The following CATSPERE variants were observed in gnomAD, a reference collection of about 807,000 sequenced individuals.
CATSPERE encodes the protein catsper channel auxiliary subunit epsilon, also known as cation channel sperm-associated auxiliary subunit epsilon.
A neutral mutation model predicts 114.1 loss-of-function variants in CATSPERE; 93 were observed. The observed-to-expected ratio is 0.81, with a 90% CI of 0.69 to 0.97. CATSPERE has a LOEUF of 0.97. CATSPERE is among the 50% of genes least tolerant of loss of function. The pLI is 0.00. For synonymous variants in CATSPERE, 341 were observed against 384.1 expected (o/e 0.89, Z 1.31); for missense variants, 1,058 against 1,131.6 (o/e 0.93, Z 0.93).
chr1:244,569,026 G>A (rs1425403274), intron 10 of CATSPERE, among the ~76,000 whole-genome samples: 2 of 152,180 alleles, frequency 1.3e-5, no homozygotes, highest in Admixed American at 6.5e-5. Flanking sequence ...CCTGGTCTGT[G>A]GGTGGCAAAG....
At chr1:244,508,242 TC>T (rs1675119281) in intron 7 of CATSPERE, among the ~76,000 whole-genome samples, 1 of 151,962 alleles carries the variant, frequency 6.6e-6, no homozygotes, top group Non-Finnish European at 1.5e-5. Flanking sequence ...GGAATTGCTT[TC>T]TTGATTTGTT....
At chr1:244,618,710 G>C (rs947796410) in intron 20 of CATSPERE, among the ~76,000 whole-genome samples, 1 of 145,634 alleles carries the variant, frequency 6.9e-6, no homozygotes, top group African/African-American at 2.5e-5. Flanking sequence ...CTGGGAGCCA[G>C]AGGTTGCGGT....
Position 244,552,652 on chromosome 1 carries a change from T to G in CATSPERE, c.867T>G (p.His289Gln), listed in dbSNP as rs567394296. ...ATGATGAAAGACGGAGTGTGGCTCA[T>G]GTGATCTTATCGCGGGATGGAATCG... The part of the protein sequence containing the change: ...LSDDERRSVA[H>Q]VILSRDGIVF... Residue 289 changes from histidine (H) to glutamine (Q), a missense_variant, in exon 9 of 22, where the codon CAT becomes CAG. By Grantham distance (24) the His-to-Gln change is conservative. Coordinates refer to ENST00000366534, the MANE Select transcript of CATSPERE (RefSeq NM_001130957.2). 7 of 1,614,192 alleles carry G rather than the reference T, an allele frequency of 4.3e-6. No homozygotes were observed. The African/African-American group carries it at 8.0e-5, about 18-fold the overall frequency.
intron 12 of CATSPERE, among the ~76,000 whole-genome samples, chr1:244,582,949 AT>A (rs1558539017): frequency 0.062 from 295 of 4,780 alleles, 16 homozygotes; most frequent in Middle Eastern, 0.17. Flanking sequence ...ATATATATAT[AT>A]ATATATATAT....
intron 9 of CATSPERE, among the ~76,000 whole-genome samples, chr1:244,557,152 C>T (rs754677082): frequency 1.3e-5 from 2 of 152,048 alleles, no homozygotes; most frequent in Admixed American, 6.6e-5. Context: ...AAATGAGGAA[C>T]TATGATGCTT....
intron 15 of CATSPERE, among the ~76,000 whole-genome samples, chr1:244,592,843 C>T (rs1453220028): frequency 6.6e-6 from 1 of 152,066 alleles, no homozygotes; most frequent in Non-Finnish European, 1.5e-5. Flanking sequence ...AACGTGGTAA[C>T]ATACATGGAA....
chr1:244,480,822 G>A (rs545037881), intron 5 of CATSPERE, among the ~76,000 whole-genome samples: 4 of 152,204 alleles, frequency 2.6e-5, no homozygotes, highest in East Asian at 1.9e-4. Flanking sequence ...CCACTTTCCC[G>A]GAGTCTTATT....
chr1:244,625,430 A>ATTTTTTTTTTTTTTTTTTTTTTTTTTT, intron 20 of CATSPERE, among the ~76,000 whole-genome samples: 1 of 4,342 alleles, frequency 2.3e-4, no homozygotes, highest in Non-Finnish European at 5.0e-4. Flanking sequence ...ATATATATAT[A>ATTTTTTTTTTTTTTTTTTTTTTTTTTT]TATTTTTTTT....
At position 244,568,320 on chromosome 1, in the gene CATSPERE, T is replaced by G. The variant is rs1027968407; in HGVS notation, c.1508-4010T>G. 2.0e-5 allele frequency among the ~76,000 whole-genome samples: 3 copies of G among 152,084 alleles called. No individual in the cohort carries two copies. The highest frequency in any genetic ancestry group is 7.2e-5 in the African/African-American group (3 of 41,404). On this transcript the variant is annotated intron_variant, in intron 10 of 21. Transcript: ENST00000366534. This position sits in a 1 kb window ranked among gnomAD's most constrained non-coding sequence, Gnocchi z 4.4. ...GTCTTCCAGTCAGGAGACACAGGGG[T>G]CAGGGACCCACTTGAGGAAGCCGTC...
intron 8 of CATSPERE, among the ~76,000 whole-genome samples, chr1:244,527,136 CAG>C (rs1572573685): frequency 1.3e-5 from 2 of 152,270 alleles, no homozygotes; most frequent in Admixed American, 6.5e-5. Context: ...TATCAGGAGA[CAG>C]GGTTTGAGAG....
chr1:244,527,449 C>G (rs936769715), intron 8 of CATSPERE, among the ~76,000 whole-genome samples: 1 of 152,200 alleles, frequency 6.6e-6, no homozygotes, highest in Non-Finnish European at 1.5e-5. Flanking sequence ...CTCTCTTGTT[C>G]CCTGAACATT....
At chr1:244,467,798 C>T (rs1667838070) in intron 2 of CATSPERE, among the ~76,000 whole-genome samples, 1 of 152,118 alleles carries the variant, frequency 6.6e-6, no homozygotes, top group African/African-American at 2.4e-5. Context: ...GTCTACATGT[C>T]AACACAAAAC....
intron 6 of CATSPERE, among the ~76,000 whole-genome samples, chr1:244,491,056 G>C (rs920144602): frequency 2.0e-5 from 3 of 151,970 alleles, no homozygotes; most frequent in Non-Finnish European, 4.4e-5. Context: ...AGTTAACAAG[G>C]ATACCCAGGA....
chr1:244,583,602 G>T (rs1251066052), intron 12 of CATSPERE, among the ~76,000 whole-genome samples: 1 of 152,124 alleles, frequency 6.6e-6, no homozygotes, highest in African/African-American at 2.4e-5. Flanking sequence ...GCTCATTTCT[G>T]CTTCCCATCG....
chr1:244,624,118 T>C lies in CATSPERE; in HGVS notation c.2648+6432T>C, dbSNP rs1672762994. On this transcript the variant is annotated intron_variant, in intron 20 of 21. Transcript: ENST00000366534. The stretch of plus-strand genomic sequence containing the variant: ...CTGGAACTACAGGCGTCCGCCACCA[T>C]GCCCAGCTAATTTTTTTTTTTTTTT... Among the ~76,000 whole-genome samples, 4 of 128,730 alleles carry C rather than the reference T, an allele frequency of 3.1e-5. 1 individual carries two copies. The South Asian group carries it at 7.9e-4, about 25-fold the overall frequency. 84.5% of individuals were successfully genotyped at this position (128,730 alleles called of 152,430 possible). A position where few individuals can be genotyped will look rare whatever the true frequency, so the allele number is the denominator to read the frequency against.
chr1:244,557,542 T>TATATAA (rs1661796207), intron 9 of CATSPERE, among the ~76,000 whole-genome samples: 1 of 31,382 alleles, frequency 3.2e-5, no homozygotes, highest in Non-Finnish European at 5.4e-5. Context: ...CATATATATA[T>TATATAA]ATATATATAT....
chr1:244,524,886 T>C (rs1242345963), intron 8 of CATSPERE, among the ~76,000 whole-genome samples: 1 of 147,000 alleles, frequency 6.8e-6, no homozygotes, highest in East Asian at 1.9e-4. Context: ...TTTACACTGT[T>C]GGTGGGACTG....
At chr1:244,465,154 G>A (rs1365194211) in intron 2 of CATSPERE, among the ~76,000 whole-genome samples, 1 of 151,720 alleles carries the variant, frequency 6.6e-6, no homozygotes, top group Non-Finnish European at 1.5e-5. Flanking sequence ...TTCTGCCTCA[G>A]CCTCCTGAGT....
intron 15 of CATSPERE, among the ~76,000 whole-genome samples, chr1:244,592,789 A>G (rs755517982): frequency 1.3e-5 from 2 of 152,204 alleles, no homozygotes; most frequent in Non-Finnish European, 2.9e-5. Flanking sequence ...AATATGAAAT[A>G]GACTCTGTCA....
Sources: gnomAD v4.1 joint callset for allele counts (sites outside exome capture counted in the v4.1 genomes callset) on GRCh38, gnomAD v4.1.1 for gene constraint, Gnocchi (gnomAD v3.1) non-coding constraint, MANE v1.5 for transcripts, NCBI Gene and HGNC (gene_info 2026-07-23, HGNC 2026-07-21) for gene names.